Variants in LDB2 observed in about 807,000 individuals in gnomAD.
LDB2 encodes LIM domain-binding protein 2.
In LDB2, 12 loss-of-function variants were observed where a neutral mutation model predicts 44.3. The ratio of observed to expected loss-of-function variants is 0.27; its 90% CI spans 0.17 to 0.44. The LOEUF (loss-of-function observed/expected upper bound fraction) is 0.44, where lower values mean the gene tolerates loss of function less well. LDB2 is among the 20% of genes least tolerant of loss of function. LDB2 has a pLI of 1.00. For synonymous variants in LDB2, 164 were observed against 174.8 expected (o/e 0.94, Z 0.49); for missense variants, 344 against 473.5 (o/e 0.73, Z 2.54).
intron 5 of LDB2, among the ~76,000 whole-genome samples, chr4:16,535,366 G>T (rs930727925): frequency 6.6e-6 from 1 of 152,178 alleles, no homozygotes; most frequent in Non-Finnish European, 1.5e-5. Flanking sequence ...GTGCCTGATT[G>T]TTTCTTGGGT....
At chr4:16,767,605 A>G (rs1041849425) in intron 1 of LDB2, among the ~76,000 whole-genome samples, 2 of 152,204 alleles carry the variant, frequency 1.3e-5, no homozygotes, top group African/African-American at 4.8e-5. Flanking sequence ...TAATAAGTAA[A>G]AAGTGAATTC....
intron 2 of LDB2, among the ~76,000 whole-genome samples, chr4:16,666,943 A>C (rs1318439604): frequency 6.6e-6 from 1 of 152,158 alleles, no homozygotes; most frequent in East Asian, 1.9e-4. Context: ...CCTTTTGAAC[A>C]GGGTGGGGGA....
chr4:16,513,261 T>C (rs1722480408), intron 5 of LDB2, among the ~76,000 whole-genome samples: 1 of 152,170 alleles, frequency 6.6e-6, no homozygotes, highest in Non-Finnish European at 1.5e-5. Flanking sequence ...TGGAAAATGC[T>C]CACTCATCCT....
chr4:16,864,735 G>C (rs1438850795), intron 1 of LDB2, among the ~76,000 whole-genome samples: 1 of 151,728 alleles, frequency 6.6e-6, no homozygotes, highest in African/African-American at 2.4e-5. Flanking sequence ...GACCAGCCTG[G>C]CCAATATGGT....
At chr4:16,805,048 G>A (rs1462428851) in intron 1 of LDB2, among the ~76,000 whole-genome samples, 2 of 151,688 alleles carry the variant, frequency 1.3e-5, no homozygotes, top group African/African-American at 4.9e-5. Context: ...GATGGAGAGA[G>A]AGGGGAAAAG....
chr4:16,737,881 T>A (rs548741891), intron 2 of LDB2, among the ~76,000 whole-genome samples: 1 of 152,340 alleles, frequency 6.6e-6, no homozygotes, highest in East Asian at 1.9e-4. Context: ...CATATATATG[T>A]CCCTTGCATT....
chr4:16,797,436 A>G (rs927622512), intron 1 of LDB2, among the ~76,000 whole-genome samples: 3 of 152,220 alleles, frequency 2.0e-5, no homozygotes, highest in Non-Finnish European at 4.4e-5. Context: ...CTCTACCGTC[A>G]TTGCAATTCT....
At chr4:16,750,902 C>T (rs767537498) in intron 2 of LDB2, 1 of 152,064 alleles carries the variant, frequency 6.6e-6, no homozygotes, top group Non-Finnish European at 1.5e-5. Flanking sequence ...CTCCAGTCCC[C>T]AAACAATAAA....
intron 1 of LDB2, among the ~76,000 whole-genome samples, chr4:16,779,911 G>C (rs986673861): frequency 6.6e-6 from 1 of 152,158 alleles, no homozygotes; most frequent in Non-Finnish European, 1.5e-5. Flanking sequence ...CAAAATGCAA[G>C]ATCTTCTTTC....
chr4:16,527,642 T>A (rs1192468647), intron 5 of LDB2, among the ~76,000 whole-genome samples: 2 of 152,164 alleles, frequency 1.3e-5, no homozygotes, highest in Non-Finnish European at 2.9e-5. Context: ...CAGCACAATT[T>A]GCAATTGCGA....
In LDB2 at chr4:16,869,705, C is replaced by T. The variant is rs140083947; in HGVS notation, c.132+28649G>A. 1.8e-3 allele frequency among the ~76,000 whole-genome samples: 276 copies of T among 152,242 alleles called. 1 individual carries two copies. Among genetic ancestry groups the T allele is most frequent in the African/African-American group, 6.1e-3 (254 of 41,546 alleles). ...TAAAATTATGACTATTATTGAGTTACGAGCTTCTTACGTCACAAAAGTACA... is the reference window on the plus strand; with the variant it reads ...TAAAATTATGACTATTATTGAGTTATGAGCTTCTTACGTCACAAAAGTACA... On this transcript the variant is annotated intron_variant, in intron 1 of 7. Coordinates refer to ENST00000304523, the MANE Select transcript of LDB2 (RefSeq NM_001290.5).
chr4:16,870,160 G>A (rs955019776), intron 1 of LDB2, among the ~76,000 whole-genome samples: 1 of 152,158 alleles, frequency 6.6e-6, no homozygotes, highest in Admixed American at 6.5e-5. Flanking sequence ...AGATGCCGTG[G>A]ATTCAGTGTT....
chr4:16,841,293 C>T (rs572765406), intron 1 of LDB2, among the ~76,000 whole-genome samples: 28 of 152,284 alleles, frequency 1.8e-4, no homozygotes, highest in African/African-American at 6.7e-4. Context: ...TATTTTAGCA[C>T]ATAGAAAATG....
intron 7 of LDB2, among the ~76,000 whole-genome samples, chr4:16,505,336 TGTGTGTGTGTGAGAGAGAGAGAGC>T (rs1249195977): frequency 1.3e-5 from 2 of 151,318 alleles, no homozygotes; most frequent in African/African-American, 4.9e-5. Flanking sequence ...TACTTAGTTG[TGTGTGTGTGTGAGAGAGAGAGAGC>T]GTGTGTGTGT....
At position 16,832,886 on chromosome 4, in the gene LDB2, C is replaced by T. The variant is rs556513043; in HGVS notation, c.132+65468G>A. Among the ~76,000 whole-genome samples the T allele has an allele frequency of 9.2e-4, 140 of 152,250 alleles. 3 individuals carry two copies. Among genetic ancestry groups the T allele is most frequent in the Admixed American group, 9.1e-3 (139 of 15,292 alleles). The stretch of plus-strand genomic sequence containing the variant: ...ATTCCTAGAAAGCAAAACTGCAAGA[C>T]CATCTGAACAATTTTGAAAAATCCT... On this transcript the variant is annotated intron_variant, in intron 1 of 7. Coordinates refer to ENST00000304523, the MANE Select transcript of LDB2 (RefSeq NM_001290.5).
chr4:16,571,466 G>T (rs1381970801), intron 5 of LDB2, among the ~76,000 whole-genome samples: 1 of 143,164 alleles, frequency 7.0e-6, no homozygotes, highest in South Asian at 2.3e-4. Context: ...AAAAAAAAAA[G>T]CCTGGTCATC....
chr4:16,605,472 C>CA (rs1047301046), intron 2 of LDB2, among the ~76,000 whole-genome samples: 12 of 150,680 alleles, frequency 8.0e-5, no homozygotes, highest in African/African-American at 2.0e-4. Context: ...GTGCAAAAAA[C>CA]AAAAAAACAA....
chr4:16,543,861 C>G (rs370059610), intron 5 of LDB2, among the ~76,000 whole-genome samples: 2 of 152,148 alleles, frequency 1.3e-5, no homozygotes, highest in African/African-American at 4.8e-5. Context: ...TACAATCTAC[C>G]CACCTGACAA....
At chr4:16,785,323 C>T (rs1387823707) in intron 1 of LDB2, among the ~76,000 whole-genome samples, 6 of 152,092 alleles carry the variant, frequency 3.9e-5, no homozygotes, top group Non-Finnish European at 5.9e-5. Context: ...CCAGCCTTTT[C>T]TCAATCACTT....
Sources: gnomAD v4.1 joint callset for allele counts (sites outside exome capture counted in the v4.1 genomes callset) on GRCh38, gnomAD v4.1.1 for gene constraint, MANE v1.5 for transcripts, NCBI Gene and HGNC (gene_info 2026-07-23, HGNC 2026-07-21) for gene names.